Variants in RBM27 observed in about 807,000 individuals in gnomAD.
RBM27 encodes RNA binding motif protein 27, also known as RNA-binding protein 27.
Under a neutral mutation model 135.3 loss-of-function variants are expected in RBM27, and 22 were observed. The ratio of observed to expected loss-of-function variants is 0.16; its 90% CI spans 0.12 to 0.23. The LOEUF is 0.23. Among genes scored for constraint, RBM27 ranks in the 10% least tolerant of loss-of-function variants. RBM27 has a pLI of 1.00. For missense variants in RBM27, 1,009 were observed against 1,281.0 expected, an observed-to-expected ratio of 0.79 and a Z score of 3.24; for synonymous variants, 481 against 442.4, an observed-to-expected ratio of 1.09 and a Z score of -1.10.
Position 146,233,724 on chromosome 5 carries a change from C to G in RBM27, c.1125C>G (p.Ser375=). 6.9e-7 allele frequency: 1 copy of G among 1,443,678 alleles called. No homozygotes were observed. The highest frequency in any genetic ancestry group is 1.4e-5 in the African/African-American group (1 of 69,740). 89.4% of individuals were successfully genotyped at this position (1,443,678 alleles called of 1,614,324 possible). The change falls in exon 7 of 21, where the codon TCC becomes TCG. Residue 375 remains serine (S), a synonymous_variant. Transcript: ENST00000265271. ...VPQGHGQPPP[S]VVLPIPRPPI... ...AAGGACATGGTCAGCCTCCACCATC[C>G]GTTGTGCTTCCCATACCAAGTAAGT...
chr5:146,264,918 G>A (rs1758552758), intron 14 of RBM27, among the ~76,000 whole-genome samples: 1 of 152,130 alleles, frequency 6.6e-6, no homozygotes, highest in Admixed American at 6.5e-5. Flanking sequence ...GATGAAATAA[G>A]ATCTGATCCT....
chr5:146,251,580 A>G lies in RBM27; in HGVS notation c.1280-131A>G, dbSNP rs898948259. ...TTGAGTTAGAAAGAATCCCAGGAAC[A>G]TCTTTCTGTACTTCTATTCCTGTTG... On this transcript the variant is annotated intron_variant, in intron 8 of 20. Coordinates refer to ENST00000265271, the MANE Select transcript of RBM27 (RefSeq NM_018989.2). The G allele has an allele frequency of 1.5e-5, 12 of 825,370 alleles. No homozygotes were observed. In the African/African-American group the frequency reaches 1.7e-4, roughly 12 times the overall value. 51.1% of individuals were successfully genotyped at this position (825,370 alleles called of 1,614,324 possible).
chr5:146,260,919 G>A, intron 12 of RBM27, 21 bp downstream of exon 12: 1 of 1,593,950 alleles, frequency 6.3e-7, no homozygotes, highest in Non-Finnish European at 8.5e-7. Context: ...CTATGTCAGT[G>A]ACAGAATCCA....
At chr5:146,235,479 C>T (rs1002172616) in intron 7 of RBM27, among the ~76,000 whole-genome samples, 2 of 151,824 alleles carry the variant, frequency 1.3e-5, no homozygotes, top group Non-Finnish European at 2.9e-5. Context: ...TTGCTTGAAC[C>T]CAGGAGGTCA....
chr5:146,273,971 G>T (rs1439097109), intron 19 of RBM27, among the ~76,000 whole-genome samples: 2 of 152,164 alleles, frequency 1.3e-5, no homozygotes, highest in Admixed American at 1.3e-4. Flanking sequence ...GTTTGACAGT[G>T]TTTTGCTGCC....
Position 146,263,612 on chromosome 5 carries a change from G to C in RBM27, c.2312G>C (p.Gly771Ala), listed in dbSNP as rs1233270793. 1.2e-6 allele frequency: 2 copies of C among 1,613,966 alleles called. No individual in the cohort carries two copies. Among genetic ancestry groups the C allele is most frequent in the Admixed American group, 3.3e-5 (2 of 59,962 alleles). Residue 771 changes from glycine to alanine, a missense_variant, in exon 14 of 21, where the codon GGT becomes GCT. Physicochemically the swap from Gly to Ala is moderately conservative, Grantham distance 60. Transcript: ENST00000265271. ...DASHLLNQSG[G>A]AGEDCQIFST... ...TCACATTTGTTGAATCAGTCTGGTGGTGCTGGAGAAGATTGCCAGGTATGC... is the reference window on the plus strand; with the variant it reads ...TCACATTTGTTGAATCAGTCTGGTGCTGCTGGAGAAGATTGCCAGGTATGC...
chr5:146,275,279 A>AT (rs985659951), intron 19 of RBM27, among the ~76,000 whole-genome samples: 44 of 151,408 alleles, frequency 2.9e-4, no homozygotes, highest in Non-Finnish European at 4.7e-4. Flanking sequence ...TTTATTTTTT[A>AT]TTTTTTTGGA....
At chr5:146,269,119 A>G (rs1179533895) in intron 15 of RBM27, 88 bp from the exon 16 acceptor site, 1 of 793,768 alleles carries the variant, frequency 1.3e-6, no homozygotes, top group Non-Finnish European at 2.0e-6. Context: ...TTAGGAGGAC[A>G]GTCTGTCTCA....
intron 19 of RBM27, among the ~76,000 whole-genome samples, chr5:146,273,855 A>T (rs894627222): frequency 2.0e-5 from 3 of 152,234 alleles, no homozygotes; most frequent in Admixed American, 2.0e-4. Flanking sequence ...TTGCTCTTCA[A>T]TAGTCTAAGA....
intron 7 of RBM27, among the ~76,000 whole-genome samples, chr5:146,236,003 TTAATA>T (rs1259198590): frequency 6.6e-6 from 1 of 152,184 alleles, no homozygotes; most frequent in African/African-American, 2.4e-5. Context: ...ATGTGAATAT[TTAATA>T]TAATCACATA....
chr5:146,206,495 A>G (rs1581125532), intron 1 of RBM27, among the ~76,000 whole-genome samples: 1 of 141,622 alleles, frequency 7.1e-6, no homozygotes. Context: ...TGAGTTATAT[A>G]TTCAACTTAA....
chr5:146,258,478 C>T lies in RBM27; in HGVS notation c.1624C>T (p.Pro542Ser), dbSNP rs200965300. 1.2e-3 allele frequency: 1,846 copies of T among 1,595,072 alleles called. 7 individuals are homozygous for T. Among genetic ancestry groups the T allele is most frequent in the South Asian group, 2.6e-3 (231 of 87,950 alleles). ...AANIVIQTEP[P>S]VPVSINSNIT... ...TAACATTGTGATCCAGACTGAACCA[C>T]CAGTTCCTGTTTCGATTAATAGCAA... Residue 542 changes from proline (P) to serine (S), a missense_variant, in exon 11 of 21, where the codon CCA (proline) becomes TCA (serine). Pro to Ser is a moderately conservative substitution (Grantham distance 74). Coordinates refer to ENST00000265271, the MANE Select transcript of RBM27 (RefSeq NM_018989.2).
rs1380079904 is a variant in RBM27 at position 146,286,125 on chromosome 5, TTTTA to T, written c.*99_*102del. The stretch of plus-strand genomic sequence containing the variant: ...GAAGTCAATGAGCCAAAAAAAATTT[TTTTA>T]TTTTTCTTTTCAACACAGTAGGTTC... On this transcript the variant is annotated 3_prime_UTR_variant, in exon 21 of 21. Transcript: ENST00000265271. 8.7e-7 allele frequency: 1 copy of T among 1,155,774 alleles called. No individual in the cohort carries two copies. Among genetic ancestry groups the T allele is most frequent in the Non-Finnish European group, 1.2e-6 (1 of 818,704 alleles). 71.6% of individuals were successfully genotyped at this position (1,155,774 alleles called of 1,614,324 possible). A position where few individuals can be genotyped will look rare whatever the true frequency, so the allele number is the denominator to read the frequency against.
intron 3 of RBM27, among the ~76,000 whole-genome samples, chr5:146,224,543 G>A (rs1434048599): frequency 2.0e-5 from 3 of 152,010 alleles, no homozygotes; most frequent in Admixed American, 6.6e-5. Flanking sequence ...TTAGTTGGGC[G>A]TAGTGGCAGG....
At chr5:146,236,215 T>C (rs1757153286) in intron 7 of RBM27, among the ~76,000 whole-genome samples, 1 of 152,248 alleles carries the variant, frequency 6.6e-6, no homozygotes, top group African/African-American at 2.4e-5. Flanking sequence ...TTGAAGGACT[T>C]GTACTTGTAT....
intron 1 of RBM27, among the ~76,000 whole-genome samples, chr5:146,215,906 A>AC (rs1284872015): frequency 1.1e-4 from 17 of 151,990 alleles, no homozygotes; most frequent in African/African-American, 3.9e-4. Flanking sequence ...GCACACCACC[A>AC]CGCCTGGCTA....
intron 19 of RBM27, among the ~76,000 whole-genome samples, chr5:146,279,672 G>A (rs1759247588): frequency 6.6e-6 from 1 of 151,580 alleles, no homozygotes; most frequent in Non-Finnish European, 1.5e-5. Context: ...GCTAGCTGTG[G>A]TGGCATCTGC....
At chr5:146,284,853 G>C (rs1561574331) in intron 20 of RBM27, 121 bp downstream of exon 20, 2 of 596,526 alleles carry the variant, frequency 3.4e-6, no homozygotes, top group Non-Finnish European at 5.9e-6. Flanking sequence ...TGCAAATTAA[G>C]ACCCGTTTAG....
intron 19 of RBM27, among the ~76,000 whole-genome samples, chr5:146,272,722 C>CAA (rs572288741): frequency 3.9e-4 from 46 of 117,662 alleles, no homozygotes; most frequent in African/African-American, 1.5e-3. Context: ...AACTCCATCT[C>CAA]AAAAAAAAAA....
Sources: gnomAD v4.1 joint callset for allele counts (sites outside exome capture counted in the v4.1 genomes callset) on GRCh38, gnomAD v4.1.1 for gene constraint, MANE v1.5 for transcripts, NCBI Gene and HGNC (gene_info 2026-07-23, HGNC 2026-07-21) for gene names.